The following NR3C1 variants were observed in gnomAD, a reference collection of about 807,000 sequenced individuals.
NR3C1 encodes glucocorticoid receptor.
In NR3C1, 14 loss-of-function variants were observed where a neutral mutation model predicts 74.0. That is an observed-to-expected ratio of 0.19 (90% CI 0.12 to 0.30). The LOEUF is 0.30. NR3C1 is among the 10% of genes least tolerant of loss of function. The pLI, the probability that NR3C1 is intolerant of heterozygous loss-of-function variation, is 1.00. For missense variants in NR3C1, 695 were observed against 909.8 expected, an observed-to-expected ratio of 0.76 and a Z score of 3.04; for synonymous variants, 308 against 332.5, an observed-to-expected ratio of 0.93 and a Z score of 0.80.
At chr5:143,294,457 A>G (rs1397758998) in intron 7 of NR3C1, 1 of 393,332 alleles carries the variant, frequency 2.5e-6, no homozygotes, top group Non-Finnish European at 3.5e-6. Context: ...GGAGGAAGGT[A>G]CAGAGATTTT....
At chr5:143,338,604 G>A (rs1422231517) in intron 2 of NR3C1, among the ~76,000 whole-genome samples, 2 of 152,114 alleles carry the variant, frequency 1.3e-5, no homozygotes, top group African/African-American at 2.4e-5. Flanking sequence ...AAAGCTTACA[G>A]AAGAAGGACA....
At chr5:143,303,962 A>G (rs1340128428) in intron 4 of NR3C1, among the ~76,000 whole-genome samples, 5 of 152,198 alleles carry the variant, frequency 3.3e-5, no homozygotes, top group East Asian at 3.8e-4. Context: ...AACAGCCAAC[A>G]TCATACCAAA....
At chr5:143,351,713 T>C (rs1168263696) in intron 2 of NR3C1, among the ~76,000 whole-genome samples, 1 of 152,214 alleles carries the variant, frequency 6.6e-6, no homozygotes, top group Non-Finnish European at 1.5e-5. Flanking sequence ...ACTTATTTTA[T>C]ATTCTCAGCT....
chr5:143,365,687 CA>C (rs1833062927), intron 2 of NR3C1, among the ~76,000 whole-genome samples: 1 of 152,196 alleles, frequency 6.6e-6, no homozygotes, highest in Non-Finnish European at 1.5e-5. Flanking sequence ...CTCTACCCAA[CA>C]AAAGCAGAAT....
At chr5:143,330,144 T>C (rs989017525) in intron 2 of NR3C1, among the ~76,000 whole-genome samples, 1 of 152,212 alleles carries the variant, frequency 6.6e-6, no homozygotes, top group African/African-American at 2.4e-5. Context: ...AAAAGTAACG[T>C]GTCTCTTCTA....
chr5:143,310,012 T>C, intron 4 of NR3C1, 85 bp downstream of exon 4: 1 of 981,160 alleles, frequency 1.0e-6, no homozygotes, highest in South Asian at 1.3e-5. Context: ...ATTAATTACA[T>C]CTGCTTACGT....
intron 7 of NR3C1, among the ~76,000 whole-genome samples, chr5:143,285,287 C>T (rs962383724): frequency 2.0e-5 from 3 of 151,888 alleles, no homozygotes; most frequent in African/African-American, 4.8e-5. Context: ...TAAATTAGTC[C>T]CAGAAAAAAG....
intron 7 of NR3C1, among the ~76,000 whole-genome samples, chr5:143,284,138 G>GGCATGATCTCAGCTCACTGCCA (rs1462377279): frequency 6.6e-6 from 1 of 151,870 alleles, no homozygotes; most frequent in East Asian, 1.9e-4. Context: ...GGAGTGCATT[G>GGCATGATCTCAGCTCACTGCCA]GCATGATCTC....
At chr5:143,359,780 T>C (rs113756442) in intron 2 of NR3C1, among the ~76,000 whole-genome samples, 20 of 152,200 alleles carry the variant, frequency 1.3e-4, no homozygotes, top group African/African-American at 4.3e-4. Context: ...TAGCTGGGCA[T>C]GGTGGCAGGC....
Position 143,369,766 on chromosome 5 carries a change from G to A in NR3C1, c.1184+29890C>T, listed in dbSNP as rs577294254. 2.0e-5 allele frequency among the ~76,000 whole-genome samples: 3 copies of A among 152,244 alleles called. No individual in the cohort carries two copies. The East Asian group carries it at 5.8e-4, about 29-fold the overall frequency. ...CAATCAAAAATGTCAATAGTCCAGA[G>A]GTTGAGAAACTGTTCTACGGTGAAG... On this transcript the variant is annotated intron_variant, in intron 2 of 8. Transcript: ENST00000394464.
chr5:143,419,142 G>A (rs1294490561), intron 1 of NR3C1, among the ~76,000 whole-genome samples: 1 of 152,102 alleles, frequency 6.6e-6, no homozygotes, highest in Non-Finnish European at 1.5e-5. Flanking sequence ...TATGTATTCT[G>A]CAAATATTTC....
intron 1 of NR3C1, among the ~76,000 whole-genome samples, chr5:143,427,074 A>G (rs1398768280): frequency 6.6e-6 from 1 of 152,126 alleles, no homozygotes; most frequent in South Asian, 2.1e-4. Flanking sequence ...CACTAGCCCC[A>G]ATGAACTCCC....
chr5:143,381,564 C>G lies in NR3C1; in HGVS notation c.1184+18092G>C, dbSNP rs561360637. Among the ~76,000 whole-genome samples the G allele has an allele frequency of 1.8e-4, 27 of 152,138 alleles. No individual in the cohort carries two copies. In the South Asian group the frequency reaches 5.2e-3, roughly 29 times the overall value. On this transcript the variant is annotated intron_variant, in intron 2 of 8. Coordinates refer to ENST00000394464, the MANE Select transcript of NR3C1 (RefSeq NM_000176.3). ...AATTATGCTACAAAACTATAATAAC[C>G]CAAACAACATAGTTCTAGCATAAAA... is the stretch of plus-strand genomic sequence containing the variant.
chr5:143,314,194 T>C, intron 2 of NR3C1, 26 bp from the exon 3 acceptor site: 1 of 1,610,358 alleles, frequency 6.2e-7, no homozygotes, highest in African/African-American at 1.3e-5. Flanking sequence ...AACAGTGTTA[T>C]GATTTAACTG....
At chr5:143,296,150 T>A (rs1817125805) in intron 6 of NR3C1, among the ~76,000 whole-genome samples, 1 of 152,224 alleles carries the variant, frequency 6.6e-6, no homozygotes, top group African/African-American at 2.4e-5. Context: ...AACCAATTCT[T>A]GCTTATGATT....
chr5:143,417,107 ATTG>A (rs1424637420), intron 1 of NR3C1, among the ~76,000 whole-genome samples: 2 of 151,948 alleles, frequency 1.3e-5, no homozygotes, highest in African/African-American at 4.8e-5. Context: ...CTTTTGTTTT[ATTG>A]TTTTGTTTAT....
At chr5:143,323,162 T>C (rs2151659354) in intron 2 of NR3C1, among the ~76,000 whole-genome samples, 1 of 152,344 alleles carries the variant, frequency 6.6e-6, no homozygotes, top group Non-Finnish European at 1.5e-5. Flanking sequence ...ATATCCACAC[T>C]GGAGACGCTC....
At chr5:143,341,200 T>A (rs988557708) in intron 2 of NR3C1, among the ~76,000 whole-genome samples, 3 of 152,216 alleles carry the variant, frequency 2.0e-5, no homozygotes, top group African/African-American at 7.2e-5. Context: ...AACAATAGGA[T>A]AATGGAATGT....
chr5:143,412,573 C>T (rs768839026), intron 1 of NR3C1, among the ~76,000 whole-genome samples: 1 of 152,156 alleles, frequency 6.6e-6, no homozygotes, highest in Non-Finnish European at 1.5e-5. Flanking sequence ...CTACCAAAAG[C>T]CACCCTATTG....
Sources: allele counts gnomAD v4.1 joint callset (sites outside exome capture counted in the v4.1 genomes callset), GRCh38; gene constraint gnomAD v4.1.1; transcripts MANE v1.5; gene names NCBI Gene and HGNC (gene_info 2026-07-23, HGNC 2026-07-21).